The following PPM1E variants were observed in gnomAD, a reference collection of about 807,000 sequenced individuals.
PPM1E encodes protein phosphatase 1E.
Under a neutral mutation model 65.9 loss-of-function variants are expected in PPM1E, and 20 were observed. The observed-to-expected ratio is 0.30, with a 90% CI of 0.21 to 0.44. The LOEUF (loss-of-function observed/expected upper bound fraction) is 0.44, where lower values mean the gene tolerates loss of function less well. Ranked by LOEUF, PPM1E falls within the 20% of genes least tolerant of loss-of-function variation. The pLI is 1.00. For missense variants in PPM1E, 713 were observed against 953.1 expected, an observed-to-expected ratio of 0.75 and a Z score of 3.32; for synonymous variants, 352 against 374.9, an observed-to-expected ratio of 0.94 and a Z score of 0.70.
chr17:58,869,681 C>T (rs927085344), intron 1 of PPM1E, among the ~76,000 whole-genome samples: 1 of 152,158 alleles, frequency 6.6e-6, no homozygotes, highest in African/African-American at 2.4e-5. Context: ...TCAGGTATTC[C>T]TTTATAGCAA....
intron 1 of PPM1E, among the ~76,000 whole-genome samples, chr17:58,811,096 G>C (rs146223520): frequency 0.019 from 2,837 of 152,204 alleles, 41 homozygotes; most frequent in East Asian, 0.04. Flanking sequence ...GACCTCAAGT[G>C]ATCCACCCGC....
chr17:58,939,193 AG>A (rs2052030212), intron 1 of PPM1E, among the ~76,000 whole-genome samples: 1 of 152,220 alleles, frequency 6.6e-6, no homozygotes, highest in Non-Finnish European at 1.5e-5. Context: ...AATTTGTGTA[AG>A]TAAAGTACTG....
intron 1 of PPM1E, among the ~76,000 whole-genome samples, chr17:58,757,161 A>AG (rs1289621870): frequency 2.6e-5 from 4 of 152,178 alleles, no homozygotes; most frequent in Admixed American, 2.6e-4. Flanking sequence ...TTGAGAGGGA[A>AG]GGGTAAGCAA....
intron 4 of PPM1E, among the ~76,000 whole-genome samples, chr17:58,971,802 GA>G (rs1287936910): frequency 1.3e-5 from 2 of 152,188 alleles, no homozygotes; most frequent in Non-Finnish European, 2.9e-5. Flanking sequence ...GGAGGAAAAA[GA>G]ATTTCAATTC....
At chr17:58,825,661 C>T (rs1437204471) in intron 1 of PPM1E, among the ~76,000 whole-genome samples, 1 of 151,930 alleles carries the variant, frequency 6.6e-6, no homozygotes. Flanking sequence ...GGTTCAAGCC[C>T]AGCCTCAGTC....
chr17:58,929,183 T>C (rs1346396360), intron 1 of PPM1E, among the ~76,000 whole-genome samples: 1 of 152,160 alleles, frequency 6.6e-6, no homozygotes, highest in Non-Finnish European at 1.5e-5. Context: ...AATATTTTGC[T>C]GAGTAAAAGA....
chr17:58,980,346 C>T lies in PPM1E; in HGVS notation c.1583C>T (p.Pro528Leu), dbSNP rs1400032797. ...DKENHGECKR[P>L]WPQHQCSAPA... Reference sequence around the variant, plus strand: ...GAGAATCATGGAGAGTGCAAACGCCCTTGGCCTCAGCACCAGTGCTCAGCA... The same window carrying T: ...GAGAATCATGGAGAGTGCAAACGCCTTTGGCCTCAGCACCAGTGCTCAGCA... The change falls in exon 7 of 7, where the codon CCT (proline) becomes CTT (leucine). Residue 528 changes from proline (P) to leucine (L), a missense_variant. Physicochemically the swap from Pro to Leu is moderately conservative, Grantham distance 98. Transcript: ENST00000308249. The surrounding 1 kb of genome is among the most constrained non-coding windows in gnomAD (Gnocchi z 4.7). 1 of 1,614,102 alleles carries T rather than the reference C, an allele frequency of 6.2e-7. No homozygotes were observed. The highest frequency in any genetic ancestry group is 8.5e-7 in the Non-Finnish European group (1 of 1,180,012).
chr17:58,879,977 A>G (rs1036475378), intron 1 of PPM1E, among the ~76,000 whole-genome samples: 2 of 152,210 alleles, frequency 1.3e-5, no homozygotes, highest in Non-Finnish European at 2.9e-5. Context: ...ATACAAATGT[A>G]TTTAATACAA....
At chr17:58,859,977 C>T (rs924377092) in intron 1 of PPM1E, among the ~76,000 whole-genome samples, 7 of 152,126 alleles carry the variant, frequency 4.6e-5, no homozygotes, top group African/African-American at 1.7e-4. Flanking sequence ...TGTCTAAAGC[C>T]ATATGGTTCT....
intron 1 of PPM1E, among the ~76,000 whole-genome samples, chr17:58,921,442 G>A (rs1475874046): frequency 1.3e-5 from 2 of 152,048 alleles, no homozygotes; most frequent in Non-Finnish European, 2.9e-5. Context: ...CTAGCACTTT[G>A]GGAGGCTGAG....
chr17:58,855,955 A>C (rs547776972), intron 1 of PPM1E, among the ~76,000 whole-genome samples: 9 of 152,342 alleles, frequency 5.9e-5, no homozygotes, highest in Non-Finnish European at 1.0e-4. Flanking sequence ...AATATGTAGA[A>C]GATACATAGG....
chr17:58,861,858 G>A (rs1260196557), intron 1 of PPM1E, among the ~76,000 whole-genome samples: 2 of 152,114 alleles, frequency 1.3e-5, no homozygotes, highest in South Asian at 2.1e-4. Context: ...GAACTCAGGA[G>A]GTTGAGGCTG....
chr17:58,921,765 G>A (rs2051754401), intron 1 of PPM1E, among the ~76,000 whole-genome samples: 2 of 151,482 alleles, frequency 1.3e-5, no homozygotes, highest in South Asian at 4.2e-4. Context: ...GTGTGGCCGG[G>A]CACGGTGGTT....
chr17:58,913,395 C>A (rs1447734477), intron 1 of PPM1E, among the ~76,000 whole-genome samples: 1 of 151,938 alleles, frequency 6.6e-6, no homozygotes, highest in East Asian at 1.9e-4. Context: ...AAAAAAAAAA[C>A]TTTTTAATTT....
intron 1 of PPM1E, among the ~76,000 whole-genome samples, chr17:58,872,408 A>G (rs930414977): frequency 2.0e-5 from 3 of 152,224 alleles, no homozygotes; most frequent in African/African-American, 4.8e-5. Context: ...CATTAACTTC[A>G]GCAAGATTGG....
rs780992600 is a variant in PPM1E, at chr17:58,792,743, C to CTTTTTTTTTTTTTT, written c.464+36298_464+36311dup. On this transcript the variant is annotated intron_variant, in intron 1 of 6. Transcript: ENST00000308249. ...TATTTTATTTTATAAGAATTTTACT[C>CTTTTTTTTTTTTTT]TTTTTTTTTTTTTTTTTTTTTTTTT... Among the ~76,000 whole-genome samples the CTTTTTTTTTTTTTT allele has an allele frequency of 2.2e-4, 17 of 76,378 alleles. 5 individuals carry two copies. The highest frequency in any genetic ancestry group is 7.7e-4 in the African/African-American group (12 of 15,644). 50.1% of individuals were successfully genotyped at this position (76,378 alleles called of 152,430 possible). A position where few individuals can be genotyped will look rare whatever the true frequency, so the allele number is the denominator to read the frequency against.
intron 1 of PPM1E, among the ~76,000 whole-genome samples, chr17:58,894,217 G>C (rs534212129): frequency 6.6e-6 from 1 of 152,116 alleles, no homozygotes; most frequent in Non-Finnish European, 1.5e-5. Context: ...CAGCTCCTGG[G>C]TTCAAGCAAT....
intron 2 of PPM1E, among the ~76,000 whole-genome samples, chr17:58,958,796 T>G (rs1172820545): frequency 1.3e-5 from 2 of 151,982 alleles, no homozygotes; most frequent in Non-Finnish European, 2.9e-5. Flanking sequence ...TATTTATTTA[T>G]TATTTTTTGA....
At chr17:58,796,047 T>C (rs896978088) in intron 1 of PPM1E, among the ~76,000 whole-genome samples, 1 of 152,318 alleles carries the variant, frequency 6.6e-6, no homozygotes, top group African/African-American at 2.4e-5. Context: ...AGATCCCTTT[T>C]GTCAATTTTT....
Sources: allele counts gnomAD v4.1 joint callset (sites outside exome capture counted in the v4.1 genomes callset), GRCh38; gene constraint gnomAD v4.1.1; non-coding constraint Gnocchi (gnomAD v3.1); transcripts MANE v1.5; gene names NCBI Gene and HGNC (gene_info 2026-07-23, HGNC 2026-07-21).